Variants in CD200 observed in about 807,000 individuals in gnomAD.
The protein encoded by CD200 is OX-2 membrane glycoprotein.
In CD200, 15 loss-of-function variants were observed where a neutral mutation model predicts 30.9. The ratio of observed to expected loss-of-function variants is 0.49; its 90% confidence interval spans 0.32 to 0.75. The LOEUF (loss-of-function observed/expected upper bound fraction) is 0.75. Ranked by LOEUF, CD200 falls within the 30% of genes least tolerant of loss-of-function variation. The probability of loss-of-function intolerance (pLI) is 0.03; values close to 1 mark genes in which losing one functional copy is unlikely to be tolerated. For synonymous variants in CD200, 134 were observed against 126.2 expected (o/e 1.06, Z -0.41); for missense variants, 262 against 324.2 (o/e 0.81, Z 1.47).
chr3:112,360,992 G>A (rs1316898801), intron 5 of CD200, among the ~76,000 whole-genome samples: 1 of 152,022 alleles, frequency 6.6e-6, no homozygotes, highest in Non-Finnish European at 1.5e-5. Context: ...GATTACGTAT[G>A]CCCTTTTATT....
chr3:112,345,507 C>A (rs1284182870), intron 3 of CD200, among the ~76,000 whole-genome samples: 1 of 152,154 alleles, frequency 6.6e-6, no homozygotes, highest in African/African-American at 2.4e-5. Context: ...CTGAGGGATC[C>A]TGCTGTCAAC....
rs1007539584 is a variant in CD200 at position 112,343,860 on chromosome 3, T to C, written c.95-1102T>C. ...ACAGTGGTTTTGTCTTCCATTCTTT[T>C]TTTTCTCTCCTTTTAGAAGTCTTAC... On this transcript the variant is annotated intron_variant, in intron 2 of 5. Coordinates refer to ENST00000315711, the MANE Select transcript of CD200 (RefSeq NM_005944.7). Among the ~76,000 whole-genome samples, 12 of 152,326 alleles carry C rather than the reference T, an allele frequency of 7.9e-5. No homozygotes were observed. In the South Asian group the frequency reaches 2.3e-3, roughly 29 times the overall value.
At chr3:112,347,528 AT>A in intron 3 of CD200, 29 bp from the exon 4 acceptor site, 2 of 1,609,738 alleles carry the variant, frequency 1.2e-6, no homozygotes, top group Non-Finnish European at 1.7e-6. Flanking sequence ...TGCTTAACTG[AT>A]AACAGATCAT....
At chr3:112,340,431 T>C (rs547163549) in intron 1 of CD200, among the ~76,000 whole-genome samples, 9 of 152,342 alleles carry the variant, frequency 5.9e-5, no homozygotes, top group Non-Finnish European at 1.2e-4. Context: ...ACTTGCAGAA[T>C]TAAAATCAAC....
At position 112,345,270 on chromosome 3, in the gene CD200, G is replaced by A; in HGVS notation, c.403G>A (p.Ala135Thr). The A allele has an allele frequency of 1.2e-6, 2 of 1,613,072 alleles. No individual in the cohort carries two copies. The highest frequency in any genetic ancestry group is 1.1e-5 in the South Asian group (1 of 91,014). The change falls in exon 3 of 6, where the codon GCC becomes ACC. Residue 135 changes from alanine (A) to threonine (T), a missense_variant. Ala to Thr is a moderately conservative substitution (Grantham distance 58). Transcript: ENST00000315711. ...TGGTTTTGGGAAGATCTCAGGAACG[G>A]CCTGCCTCACCGTCTATGGTGAGAA... The part of the protein sequence containing the change: ...TFGFGKISGT[A>T]CLTVYVQPIV...
At chr3:112,360,333 A>AAAAAAATAT (rs879786648) in intron 5 of CD200, among the ~76,000 whole-genome samples, 2,366 of 141,266 alleles carry the variant, frequency 0.017, 64 homozygotes, top group African/African-American at 0.052. Flanking sequence ...ATCTAAAAAA[A>AAAAAAATAT]ATATATATAT....
chr3:112,346,971 C>T (rs114915837), intron 3 of CD200, among the ~76,000 whole-genome samples: 2,940 of 152,252 alleles, frequency 0.019, 99 homozygotes, highest in African/African-American at 0.067. Flanking sequence ...GCTACGAATT[C>T]CAAATTTTGG....
At chr3:112,350,864 A>T (rs182696964) in intron 5 of CD200, among the ~76,000 whole-genome samples, 3 of 152,192 alleles carry the variant, frequency 2.0e-5, no homozygotes, top group Non-Finnish European at 4.4e-5. Context: ...CAAGTTTTTG[A>T]CCACTTTATT....
rs566077997 is a variant in CD200 at position 112,336,269 on chromosome 3, C to T, written c.12+3045C>T. 6.6e-5 allele frequency among the ~76,000 whole-genome samples: 10 copies of T among 151,956 alleles called. No homozygotes were observed. The South Asian group carries it at 1.9e-3, about 28-fold the overall frequency. The stretch of plus-strand genomic sequence containing the variant: ...AGGAGGATATTAAAATTGAGTGGCT[C>T]CCATTGGACAGGAAAAGGAAGAGAA... On this transcript the variant is annotated intron_variant, in intron 1 of 5. Coordinates refer to ENST00000315711, the MANE Select transcript of CD200 (RefSeq NM_005944.7).
rs2081666347 is a variant in CD200 at position 112,358,257 on chromosome 3, A to C, written c.803-3286A>C. On this transcript the variant is annotated intron_variant, in intron 5 of 5. Coordinates refer to ENST00000315711, the MANE Select transcript of CD200 (RefSeq NM_005944.7). ...CTCCCACACAGTGGTCCTGGATGGG[A>C]ATCTGTTGTTTTTCTCATCAACATT... Among the ~76,000 whole-genome samples the C allele has an allele frequency of 2.6e-5, 4 of 152,184 alleles. No individual in the cohort carries two copies. In the South Asian group the frequency reaches 8.3e-4, roughly 32 times the overall value.
At chr3:112,357,625 C>T (rs1426342949) in intron 5 of CD200, among the ~76,000 whole-genome samples, 1 of 152,134 alleles carries the variant, frequency 6.6e-6, no homozygotes, top group Non-Finnish European at 1.5e-5. Context: ...GGAATTGTAG[C>T]AGTTAGGACA....
chr3:112,340,525 A>AT (rs903705380), intron 1 of CD200, among the ~76,000 whole-genome samples: 1 of 152,180 alleles, frequency 6.6e-6, no homozygotes, highest in African/African-American at 2.4e-5. Flanking sequence ...ACAGACATGG[A>AT]TTTTTTGGGA....
rs2081749402 is a variant in CD200 at position 112,361,921 on chromosome 3, A to G, written c.*371A>G. ...CTCATCCAAAGTATAAAGGAATTGG[A>G]CCAAATAATTTACCACATAGCTCTA... is the stretch of plus-strand genomic sequence containing the variant. On this transcript the variant is annotated 3_prime_UTR_variant, in exon 6 of 6. Transcript: ENST00000315711. The G allele has an allele frequency of 8.8e-6, 2 of 226,728 alleles. No individual in the cohort carries two copies. The highest frequency in any genetic ancestry group is 1.1e-4 in the Admixed American group (2 of 18,124). 14.0% of individuals were successfully genotyped at this position (226,728 alleles called of 1,614,324 possible).
upstream of CD200, chr3:112,333,064 G>C (rs1576574724): frequency 8.6e-7 from 1 of 1,158,288 alleles, no homozygotes; most frequent in East Asian, 2.6e-5. Context: ...GTGAGGGCGT[G>C]GGGAAAACGG....
chr3:112,340,978 C>T lies in CD200; in HGVS notation c.89C>T (p.Ala30Val). 1 of 1,606,816 alleles carries T rather than the reference C, an allele frequency of 6.2e-7. No homozygotes were observed. Among genetic ancestry groups the T allele is most frequent in the Non-Finnish European group, 8.5e-7 (1 of 1,173,578 alleles). ...WVMAAVVLCT[A>V]QVQVVTQDER... is the part of the protein sequence containing the mutation. ...ATGGCAGCAGTGGTGCTGTGCACAG[C>T]ACAAGGTAAAGAAACTCAATTCCCC... Residue 30 changes from alanine (A) to valine (V), a missense_variant, in exon 2 of 6, where the codon GCA becomes GTA. Coordinates refer to ENST00000315711, the MANE Select transcript of CD200 (RefSeq NM_005944.7).
chr3:112,355,818 A>G (rs567477707), intron 5 of CD200, among the ~76,000 whole-genome samples: 79 of 152,320 alleles, frequency 5.2e-4, no homozygotes, highest in African/African-American at 1.7e-3. Flanking sequence ...CTAAAAATAT[A>G]TATATTTGAT....
At chr3:112,339,714 T>G (rs938303227) in intron 1 of CD200, among the ~76,000 whole-genome samples, 3 of 152,200 alleles carry the variant, frequency 2.0e-5, no homozygotes, top group South Asian at 2.1e-4. Context: ...GCAGAAAGCC[T>G]TGTAGAATTT....
chr3:112,349,675 G>A, intron 4 of CD200, 37 bp from the exon 5 acceptor site: 1 of 1,562,018 alleles, frequency 6.4e-7, no homozygotes, highest in East Asian at 2.3e-5. Flanking sequence ...TTCCTCATGT[G>A]ATGTCATTTT....
intron 2 of CD200, 63 bp downstream of exon 2, chr3:112,341,046 T>C (rs2081227982): frequency 2.9e-6 from 3 of 1,046,784 alleles, no homozygotes; most frequent in Non-Finnish European, 4.5e-6. Context: ...TGAAGACATT[T>C]AGCCAGTATT....
Sources: allele counts gnomAD v4.1 joint callset (sites outside exome capture counted in the v4.1 genomes callset), GRCh38; gene constraint gnomAD v4.1.1; transcripts MANE v1.5; gene names NCBI Gene and HGNC (gene_info 2026-07-23, HGNC 2026-07-21).